Variants in NID2 observed in about 807,000 individuals in gnomAD.
NID2 encodes nidogen 2.
NID2 carries 83 observed loss-of-function variants against 145.4 expected under a neutral mutation model. That is an observed-to-expected ratio of 0.57 (90% CI 0.48 to 0.69). NID2 has a LOEUF of 0.69. Ranked by LOEUF, NID2 falls within the 30% of genes least tolerant of loss-of-function variation. The pLI, the probability that NID2 is intolerant of heterozygous loss-of-function variation, is 0.00. For synonymous variants in NID2, 739 were observed against 701.3 expected, an observed-to-expected ratio of 1.05 and a Z score of -0.85; for missense variants, 1,807 against 1,765.7, an observed-to-expected ratio of 1.02 and a Z score of -0.42.
intron 19 of NID2, chr14:52,007,545 C>A (rs1890833272): frequency 4.7e-6 from 2 of 426,046 alleles, no homozygotes; most frequent in Admixed American, 8.7e-5. Flanking sequence ...ATGGCTAATT[C>A]TTTTAACTGT....
rs114169596 is a variant in NID2 at position 52,020,390 on chromosome 14, C to T, written c.2675-212G>A. 2.3e-3 allele frequency: 1,397 copies of T among 617,930 alleles called. 8 individuals carry two copies. In the African/African-American group the frequency reaches 0.024, roughly 10 times the overall value. 38.3% of individuals were successfully genotyped at this position (617,930 alleles called of 1,614,324 possible). ...AAATCAAGGAACATGTGAGTTAACA[C>T]ACTAGACTAAACGTGTTCAGTGTAG... On this transcript the variant is annotated intron_variant, in intron 12 of 21. Coordinates refer to ENST00000216286, the MANE Select transcript of NID2 (RefSeq NM_007361.4).
chr14:52,010,247 G>T (rs1232018852), intron 18 of NID2: 1 of 152,196 alleles, frequency 6.6e-6, no homozygotes, highest in African/African-American at 2.4e-5. Context: ...AAGGGCATCT[G>T]GGAATTTCAT....
intron 1 of NID2, 139 bp downstream of exon 1, chr14:52,068,628 T>C: frequency 1.4e-6 from 1 of 719,418 alleles, no homozygotes; most frequent in Non-Finnish European, 2.3e-6. Context: ...GGCATCGCTC[T>C]CTGGCCGGGT....
intron 5 of NID2, among the ~76,000 whole-genome samples, chr14:52,049,459 A>G (rs1442103700): frequency 2.0e-5 from 3 of 151,818 alleles, no homozygotes; most frequent in Non-Finnish European, 2.9e-5. Flanking sequence ...GACACAGGGG[A>G]GGTTCCATGG....
chr14:52,019,393 G>T, intron 13 of NID2, 99 bp from the exon 14 acceptor site: 1 of 892,740 alleles, frequency 1.1e-6, no homozygotes, highest in Non-Finnish European at 1.6e-6. Flanking sequence ...AAAGCGCTGG[G>T]ATTTTGGAGC....
At chr14:52,027,666 A>ACG (rs1414294846) in intron 11 of NID2, among the ~76,000 whole-genome samples, 4 of 146,238 alleles carry the variant, frequency 2.7e-5, no homozygotes, top group Admixed American at 2.7e-4. Flanking sequence ...ACACACACAC[A>ACG]CGCAGTTTCT....
Position 52,062,582 on chromosome 14 carries a change from C to A in NID2, c.535-2226G>T, listed in dbSNP as rs191069353. Among the ~76,000 whole-genome samples the A allele has an allele frequency of 5.3e-3, 803 of 152,170 alleles. 6 individuals carry two copies. The highest frequency in any genetic ancestry group is 0.019 in the African/African-American group (776 of 41,526). On this transcript the variant is annotated intron_variant, in intron 2 of 21. Coordinates refer to ENST00000216286, the MANE Select transcript of NID2 (RefSeq NM_007361.4). ...AAAGTACTAGAGGAAGGAGAAAAAA[C>A]CCCATTTCAAAAAGCTAAGCTTTCA...
chr14:52,061,692 C>A (rs1893024878), intron 2 of NID2, among the ~76,000 whole-genome samples: 1 of 152,146 alleles, frequency 6.6e-6, no homozygotes. Context: ...ATTCAACACC[C>A]AGGTCCTTAT....
Position 52,020,101 on chromosome 14 carries a change from A to T in NID2, c.2752T>A (p.Cys918Ser). ...YNTPGSFSCR[C>S]QPGYYGDGFQ... ...CCATCCCCATAATATCCGGGTTGAC[A>T]ACGGCAGGAGAAGGAACCAGGAGTA... The change falls in exon 13 of 22, where the codon TGT (cysteine) becomes AGT (serine). Residue 918 changes from cysteine to serine, a missense_variant. Coordinates refer to ENST00000216286, the MANE Select transcript of NID2 (RefSeq NM_007361.4). The T allele has an allele frequency of 2.5e-6, 4 of 1,614,142 alleles. No individual in the cohort carries two copies. Among genetic ancestry groups the T allele is most frequent in the South Asian group, 1.1e-5 (1 of 91,080 alleles).
intron 3 of NID2, among the ~76,000 whole-genome samples, chr14:52,055,821 A>G (rs971394): frequency 0.91 from 137,765 of 152,218 alleles, 62,381 homozygotes; most frequent in East Asian, 1. Context: ...AAACTTCACT[A>G]AATTGTATAA....
intron 2 of NID2, among the ~76,000 whole-genome samples, chr14:52,065,475 C>CA (rs71444727): frequency 0.086 from 11,958 of 139,752 alleles, 629 homozygotes; most frequent in Middle Eastern, 0.16. Context: ...TTTTTTTCCC[C>CA]TTTCTTTTTT....
Position 52,029,681 on chromosome 14 carries a change from T to C in NID2, c.2267A>G (p.Asp756Gly), listed in dbSNP as rs150908602. 7.4e-3 allele frequency: 11,950 copies of C among 1,613,286 alleles called. 77 individuals are homozygous for C. Among genetic ancestry groups the C allele is most frequent in the Middle Eastern group, 0.016 (99 of 6,038 alleles). The change falls in exon 10 of 22, where the codon GAC becomes GGC. Residue 756 changes from aspartate to glycine, a missense_variant. Transcript: ENST00000216286. ...ATAGCAAGGATTCCCCGGAGTGGGG[T>C]CTGAATCCTCTGCATGAGTAGAGGG... ...NQIGPVKEDSDPTPGNPCYDG... is the reference protein window; with the variant it reads ...NQIGPVKEDSGPTPGNPCYDG...
At chr14:52,009,229 C>T (rs1357426595) in intron 18 of NID2, 1 of 152,086 alleles carries the variant, frequency 6.6e-6, no homozygotes, top group African/African-American at 2.4e-5. Context: ...TGGAGGTGGC[C>T]AGAGGGTACA....
chr14:52,027,458 C>G (rs1314644707), intron 11 of NID2, 114 bp from the exon 12 acceptor site: 21 of 856,676 alleles, frequency 2.5e-5, no homozygotes, highest in Non-Finnish European at 6.6e-6. Context: ...TGCAGGTTCT[C>G]AGACCCTACC....
intron 14 of NID2, among the ~76,000 whole-genome samples, chr14:52,017,850 C>T (rs528085395): frequency 6.6e-6 from 1 of 152,210 alleles, no homozygotes; most frequent in East Asian, 1.9e-4. Flanking sequence ...AACAGAGTCT[C>T]ACTCTGTTGC....
At chr14:52,021,920 AGGCTGTAAAACT>A (rs1320460351) in intron 12 of NID2, among the ~76,000 whole-genome samples, 4 of 152,240 alleles carry the variant, frequency 2.6e-5, no homozygotes, top group Non-Finnish European at 4.4e-5. Flanking sequence ...GACCTGGAAT[AGGCTGTAAAACT>A]GGCTGTAAAA....
chr14:52,015,485 G>A (rs1321649178), intron 14 of NID2, among the ~76,000 whole-genome samples: 1 of 152,184 alleles, frequency 6.6e-6, no homozygotes, highest in Non-Finnish European at 1.5e-5. Context: ...ATCATGTGAT[G>A]CTTCTTTCTT....
rs992255932 is a variant in NID2 at position 52,030,860 on chromosome 14, A to G, written c.2258-1170T>C. On this transcript the variant is annotated intron_variant, in intron 9 of 21. Transcript: ENST00000216286. ...AACAGGACCATGTCTTAAAATATAT[A>G]TATTTATTTCTACATAATAGTCAAT... Among the ~76,000 whole-genome samples the G allele has an allele frequency of 2.6e-5, 4 of 152,088 alleles. No homozygotes were observed. In the East Asian group the frequency reaches 5.8e-4, roughly 22 times the overall value.
In NID2 at chr14:52,047,039, G is replaced by T. The variant is rs1207067278; in HGVS notation, c.1430-4108C>A. 2.6e-5 allele frequency among the ~76,000 whole-genome samples: 4 copies of T among 152,252 alleles called. No homozygotes were observed. In the East Asian group the frequency reaches 5.8e-4, roughly 22 times the overall value. On this transcript the variant is annotated intron_variant, in intron 5 of 21. Coordinates refer to ENST00000216286, the MANE Select transcript of NID2 (RefSeq NM_007361.4). Reference sequence around the variant, plus strand: ...AAGGTAAATGCTTCTTACAATTTTTGTTCATTCATTCACTAATTCAACAAG... The same window carrying T: ...AAGGTAAATGCTTCTTACAATTTTTTTTCATTCATTCACTAATTCAACAAG...
Sources: gnomAD v4.1 joint callset for allele counts (sites outside exome capture counted in the v4.1 genomes callset) on GRCh38, gnomAD v4.1.1 for gene constraint, MANE v1.5 for transcripts, NCBI Gene and HGNC (gene_info 2026-07-23, HGNC 2026-07-21) for gene names.